TRAPPC9: variants seen among roughly 807,000 people sequenced by gnomAD.
The protein encoded by TRAPPC9 is trafficking protein particle complex subunit 9, also known as IKK2 binding protein.
In TRAPPC9, 83 loss-of-function variants were observed where a neutral mutation model predicts 124.0. The observed-to-expected ratio is 0.67, with a 90% CI of 0.56 to 0.80. The LOEUF (loss-of-function observed/expected upper bound fraction) is 0.80. Ranked by LOEUF, TRAPPC9 falls within the 30% of genes least tolerant of loss-of-function variation. TRAPPC9 has a pLI of 0.00. For synonymous variants in TRAPPC9, 638 were observed against 617.5 expected (o/e 1.03, Z -0.49); for missense variants, 1,302 against 1,508.3 (o/e 0.86, Z 2.27).
intron 7 of TRAPPC9, among the ~76,000 whole-genome samples, chr8:140,388,956 CTTTTTTTTTTTT>C (rs1244741598): frequency 8.0e-6 from 1 of 125,396 alleles, no homozygotes; most frequent in African/African-American, 3.1e-5. Context: ...CAAACACTGT[CTTTTTTTTTTTT>C]TTTTTTTTGA....
intron 17 of TRAPPC9, among the ~76,000 whole-genome samples, chr8:140,115,577 A>AT (rs1006050342): frequency 3.3e-5 from 5 of 151,672 alleles, no homozygotes; most frequent in African/African-American, 9.7e-5. Flanking sequence ...ATTATACTCT[A>AT]TTTTTTTGGT....
chr8:140,076,573 T>C (rs1843523227), intron 17 of TRAPPC9, among the ~76,000 whole-genome samples: 1 of 152,204 alleles, frequency 6.6e-6, no homozygotes, highest in South Asian at 2.1e-4. Flanking sequence ...CCTCAGGCCA[T>C]GGGGCCCATC....
At chr8:140,321,361 G>C (rs1020281252) in intron 9 of TRAPPC9, among the ~76,000 whole-genome samples, 1 of 152,212 alleles carries the variant, frequency 6.6e-6, no homozygotes, top group African/African-American at 2.4e-5. Context: ...TCCGCAGGAC[G>C]GAAGGCTGCC....
intron 21 of TRAPPC9, among the ~76,000 whole-genome samples, chr8:139,775,118 C>T (rs910903543): frequency 1.3e-5 from 2 of 152,282 alleles, no homozygotes; most frequent in Admixed American, 6.5e-5. Context: ...GGCACCTAGC[C>T]CTGACTGGGC....
intron 5 of TRAPPC9, among the ~76,000 whole-genome samples, chr8:140,415,909 T>C (rs925331405): frequency 3.3e-5 from 5 of 152,046 alleles, no homozygotes; most frequent in Non-Finnish European, 2.9e-5. Flanking sequence ...TATAGTGAAC[T>C]ATGACTGTAC....
At chr8:140,102,567 T>G (rs1387183722) in intron 17 of TRAPPC9, among the ~76,000 whole-genome samples, 2 of 152,272 alleles carry the variant, frequency 1.3e-5, no homozygotes, top group East Asian at 1.9e-4. Context: ...CTCCCACACA[T>G]AACTTCCTCA....
intron 18 of TRAPPC9, among the ~76,000 whole-genome samples, chr8:140,002,344 T>C (rs1838457695): frequency 6.6e-6 from 1 of 152,066 alleles, no homozygotes. Context: ...AACAGAAGTA[T>C]ATGCAGTGCT....
rs889518748 is a variant in TRAPPC9, at chr8:140,216,644, T to C, written c.2556+4815A>G. On this transcript the variant is annotated intron_variant, in intron 17 of 22. Transcript: ENST00000438773. The surrounding 1 kb of genome is among the most constrained non-coding windows in gnomAD (Gnocchi z 4.1). Reference sequence around the variant, plus strand: ...CTCAGCCCTCTCCGTGCTCCCGTGCTCAGGACAGCAGGCCTGCAGCAGCAT... The same window carrying C: ...CTCAGCCCTCTCCGTGCTCCCGTGCCCAGGACAGCAGGCCTGCAGCAGCAT... Among the ~76,000 whole-genome samples, 3 of 152,178 alleles carry C rather than the reference T, an allele frequency of 2.0e-5. No homozygotes were observed. The highest frequency in any genetic ancestry group is 7.2e-5 in the African/African-American group (3 of 41,444).
intron 9 of TRAPPC9, among the ~76,000 whole-genome samples, chr8:140,355,268 T>C (rs2067706530): frequency 6.6e-6 from 1 of 152,214 alleles, no homozygotes; most frequent in African/African-American, 2.4e-5. Context: ...ACACAGCCCA[T>C]ATGGAAGCAT....
intron 19 of TRAPPC9, among the ~76,000 whole-genome samples, chr8:139,986,602 C>CA: frequency 6.6e-6 from 1 of 152,304 alleles, no homozygotes; most frequent in East Asian, 1.9e-4. Context: ...ATTAATCTGT[C>CA]AGATATTTTA....
chr8:140,274,164 A>G (rs2065045360), intron 15 of TRAPPC9, among the ~76,000 whole-genome samples: 1 of 152,176 alleles, frequency 6.6e-6, no homozygotes, highest in Non-Finnish European at 1.5e-5. Flanking sequence ...GGCCTCACTC[A>G]ATAAAAAATA....
intron 17 of TRAPPC9, among the ~76,000 whole-genome samples, chr8:140,034,919 G>A (rs779512538): frequency 1.2e-4 from 18 of 152,224 alleles, no homozygotes; most frequent in Admixed American, 3.3e-4. Flanking sequence ...GAAAGCTGGC[G>A]CTGCCCTGAA....
At chr8:140,079,999 G>A (rs540500792) in intron 17 of TRAPPC9, among the ~76,000 whole-genome samples, 1 of 152,154 alleles carries the variant, frequency 6.6e-6, no homozygotes, top group East Asian at 1.9e-4. Flanking sequence ...GAAGAAGAAG[G>A]CGATGGCATC....
chr8:140,131,892 G>A (rs370114757), intron 17 of TRAPPC9, among the ~76,000 whole-genome samples: 1 of 152,168 alleles, frequency 6.6e-6, no homozygotes, highest in African/African-American at 2.4e-5. Context: ...CATCCTAGAA[G>A]GGTTTGGAGT....
At chr8:140,351,949 G>A (rs1159705526) in intron 9 of TRAPPC9, among the ~76,000 whole-genome samples, 2 of 152,184 alleles carry the variant, frequency 1.3e-5, no homozygotes, top group Non-Finnish European at 2.9e-5. Flanking sequence ...TCACACAGTT[G>A]TGCAACAACC....
chr8:140,419,145 T>C (rs2070066361), intron 5 of TRAPPC9, among the ~76,000 whole-genome samples: 1 of 146,654 alleles, frequency 6.8e-6, no homozygotes, highest in South Asian at 2.2e-4. Flanking sequence ...TACAACAAAA[T>C]TGGCCGGGCG....
At chr8:139,753,438 C>G (rs1340673262) in intron 21 of TRAPPC9, among the ~76,000 whole-genome samples, 1 of 152,224 alleles carries the variant, frequency 6.6e-6, no homozygotes, top group Non-Finnish European at 1.5e-5. Flanking sequence ...TTTCCTTCCT[C>G]CCTCCCTTTA....
chr8:140,319,014 T>G (rs1413740014), intron 9 of TRAPPC9, among the ~76,000 whole-genome samples: 1 of 152,130 alleles, frequency 6.6e-6, no homozygotes, highest in African/African-American at 2.4e-5. Context: ...TGTGAAAAAT[T>G]TGACATGTTC....
At position 140,357,003 on chromosome 8, in the gene TRAPPC9, C is replaced by G. The variant is rs2132155738; in HGVS notation, c.1495+3047G>C. Among the ~76,000 whole-genome samples, 4 of 152,344 alleles carry G rather than the reference C, an allele frequency of 2.6e-5. No individual in the cohort carries two copies. The South Asian group carries it at 8.3e-4, about 32-fold the overall frequency. On this transcript the variant is annotated intron_variant, in intron 9 of 22. Coordinates refer to ENST00000438773, the MANE Select transcript of TRAPPC9 (RefSeq NM_001160372.4). The stretch of plus-strand genomic sequence containing the variant: ...GAAGGCAAGGGCTGTGACAACATCA[C>G]TCACACCTCAGCAGCCATGCACTTG...
Sources: allele counts gnomAD v4.1 joint callset (sites outside exome capture counted in the v4.1 genomes callset), GRCh38; gene constraint gnomAD v4.1.1; non-coding constraint Gnocchi (gnomAD v3.1); transcripts MANE v1.5; gene names NCBI Gene and HGNC (gene_info 2026-07-23, HGNC 2026-07-21).